Variants in NF2 observed in about 807,000 individuals in gnomAD.
The protein encoded by NF2 is NF2, moesin-ezrin-radixin like (MERLIN) tumor suppressor.
NF2 carries 8 observed loss-of-function variants against 83.7 expected under a neutral mutation model. That is an observed-to-expected ratio of 0.10 (90% CI 0.06 to 0.17). NF2 has a LOEUF of 0.17. Ranked by LOEUF, NF2 falls within the 10% of genes least tolerant of loss-of-function variation. NF2 has a pLI of 1.00. For missense variants in NF2, 533 were observed against 744.4 expected, an observed-to-expected ratio of 0.72 and a Z score of 3.31; for synonymous variants, 266 against 269.6, an observed-to-expected ratio of 0.99 and a Z score of 0.13.
intron 1 of NF2, among the ~76,000 whole-genome samples, chr22:29,631,209 C>G (rs1167620460): frequency 6.6e-6 from 1 of 152,172 alleles, no homozygotes; most frequent in Admixed American, 6.5e-5. Context: ...AAGAACATTC[C>G]TTCACTTTGC....
intron 7 of NF2, among the ~76,000 whole-genome samples, chr22:29,659,644 G>T (rs536460500): frequency 5.9e-5 from 9 of 152,286 alleles, no homozygotes; most frequent in African/African-American, 2.2e-4. Flanking sequence ...CAGTTTAAAA[G>T]GGGCTGCTTG....
intron 7 of NF2, among the ~76,000 whole-genome samples, chr22:29,660,314 C>A (rs978832811): frequency 2.6e-5 from 4 of 152,142 alleles, no homozygotes; most frequent in African/African-American, 9.7e-5. Context: ...GAATAGAATT[C>A]TTTTTGATAT....
intron 2 of NF2, among the ~76,000 whole-genome samples, chr22:29,637,325 A>G (rs1200086331): frequency 6.6e-6 from 1 of 152,164 alleles, no homozygotes; most frequent in South Asian, 2.1e-4. Context: ...CATTAATATG[A>G]TCTAAGGAAT....
At chr22:29,675,631 C>G (rs1459132578) in intron 13 of NF2, among the ~76,000 whole-genome samples, 1 of 152,036 alleles carries the variant, frequency 6.6e-6, no homozygotes, top group Non-Finnish European at 1.5e-5. Flanking sequence ...GGTGTCTACA[C>G]TGATGCTTGA....
intron 15 of NF2, chr22:29,683,838 A>G (rs988693781): frequency 1.2e-5 from 13 of 1,058,586 alleles, no homozygotes; most frequent in Non-Finnish European, 1.4e-5. Context: ...CTCCTGCAAC[A>G]GTTCATTATT....
intron 4 of NF2, among the ~76,000 whole-genome samples, chr22:29,653,707 A>G (rs1444672813): frequency 6.6e-6 from 1 of 152,222 alleles, no homozygotes. Flanking sequence ...TTTGAGAATG[A>G]GAGAACATAA....
At chr22:29,610,592 T>C (rs1004189684) in intron 1 of NF2, among the ~76,000 whole-genome samples, 3 of 149,290 alleles carry the variant, frequency 2.0e-5, no homozygotes, top group African/African-American at 7.4e-5. Context: ...TGCAGTGAGC[T>C]GAGATTGCGC....
rs1407501982 is a variant in NF2 at position 29,673,321 on chromosome 22, A to G, written c.1175A>G (p.Glu392Gly). Residue 392 changes from glutamate (E) to glycine (G), a missense_variant, in exon 12 of 16, where the codon GAG becomes GGG. By Grantham distance (98) the Glu-to-Gly change is moderately conservative (BLOSUM62 -2). Transcript: ENST00000338641. ...TTGGCTGAAAAGGCCCAGATCACCG[A>G]GGAGGAGGCAAAACTTCTGGCCCAG... Reference protein sequence around the residue: ...DLLAEKAQITEEEAKLLAQKA... With the variant: ...DLLAEKAQITGEEAKLLAQKA... 1 of 1,598,512 alleles carries G rather than the reference A, an allele frequency of 6.3e-7. No individual in the cohort carries two copies. The highest frequency in any genetic ancestry group is 1.8e-5 in the Admixed American group (1 of 56,582).
intron 1 of NF2, among the ~76,000 whole-genome samples, chr22:29,633,655 C>G (rs1256037884): frequency 6.6e-6 from 1 of 152,170 alleles, no homozygotes; most frequent in Non-Finnish European, 1.5e-5. Flanking sequence ...CACCTGGTCC[C>G]AAATGGAGCC....
chr22:29,696,011 C>T lies in NF2; in HGVS notation c.*1209C>T. 1 of 233,076 alleles carries T rather than the reference C, an allele frequency of 4.3e-6. No individual in the cohort carries two copies. Among genetic ancestry groups the T allele is most frequent in the South Asian group, 1.8e-4 (1 of 5,530 alleles). 14.4% of individuals were successfully genotyped at this position (233,076 alleles called of 1,614,324 possible). ...ACCTCCATGCCAGGCAACAGAGGGC[C>T]ACAGAACCACCCCCACGGCTCACTC... On this transcript the variant is annotated 3_prime_UTR_variant, in exon 16 of 16. Transcript: ENST00000338641.
In NF2 at chr22:29,664,176, C is replaced by T. The variant is rs574309424; in HGVS notation, c.811-814C>T. Among the ~76,000 whole-genome samples the T allele has an allele frequency of 7.2e-5, 11 of 152,182 alleles. No individual in the cohort carries two copies. In the South Asian group the frequency reaches 2.1e-3, roughly 29 times the overall value. ...AGCCTGGAGTGCAGTTGTGCAATTA[C>T]AGCTCACTGCAGCCTCAAACTCTTG... On this transcript the variant is annotated intron_variant, in intron 8 of 15. Transcript: ENST00000338641.
At position 29,603,961 on chromosome 22, in the gene NF2, C is replaced by T; in HGVS notation, c.-38C>T. 1.4e-6 allele frequency: 2 copies of T among 1,480,650 alleles called. No homozygotes were observed. Among genetic ancestry groups the T allele is most frequent in the Non-Finnish European group, 9.2e-7 (1 of 1,084,418 alleles). 91.7% of individuals were successfully genotyped at this position (1,480,650 alleles called of 1,614,324 possible). A position where few individuals can be genotyped will look rare whatever the true frequency, so the allele number is the denominator to read the frequency against. ...GGGGCTAAAGGGCTCAGAGTGCAGG[C>T]CGTGGGGCGCGAGGGTCCCGGGCCT... On this transcript the variant is annotated 5_prime_UTR_variant, in exon 1 of 16. Transcript: ENST00000338641.
chr22:29,605,957 CT>C (rs932676218), intron 1 of NF2, among the ~76,000 whole-genome samples: 3 of 151,612 alleles, frequency 2.0e-5, no homozygotes, highest in African/African-American at 7.3e-5. Context: ...TTGGAGCTCT[CT>C]TTTTTTTTCT....
chr22:29,677,525 C>T (rs1160663961), intron 13 of NF2, among the ~76,000 whole-genome samples: 2 of 152,070 alleles, frequency 1.3e-5, no homozygotes, highest in Non-Finnish European at 2.9e-5. Context: ...CTACACCACC[C>T]CTGCTTCAGG....
intron 15 of NF2, among the ~76,000 whole-genome samples, chr22:29,682,322 G>T (rs1601667951): frequency 6.6e-6 from 1 of 152,288 alleles, no homozygotes; most frequent in South Asian, 2.1e-4. Flanking sequence ...AGATAAGACT[G>T]TCCATTGAGT....
Position 29,696,330 on chromosome 22 carries a change from C to T in NF2, c.*1528C>T. On this transcript the variant is annotated 3_prime_UTR_variant, in exon 16 of 16. Coordinates refer to ENST00000338641, the MANE Select transcript of NF2 (RefSeq NM_000268.4). The stretch of plus-strand genomic sequence containing the variant: ...CTGGGATTACAGGCATGAGCCACTG[C>T]ACCCAGCCCCTTCTTGCCCTTTCTT... The T allele has an allele frequency of 4.5e-6, 1 of 220,588 alleles. No individual in the cohort carries two copies. The highest frequency in any genetic ancestry group is 1.4e-3 in the Middle Eastern group (1 of 722). 13.7% of individuals were successfully genotyped at this position (220,588 alleles called of 1,614,324 possible).
chr22:29,651,778 A>T (rs1004286520), intron 4 of NF2, among the ~76,000 whole-genome samples: 7 of 152,214 alleles, frequency 4.6e-5, no homozygotes, highest in African/African-American at 1.4e-4. Context: ...ACTTGGTATA[A>T]TAATGGGGGT....
chr22:29,674,965 G>A (rs532666520), intron 13 of NF2, 24 bp downstream of exon 13: 3 of 1,544,556 alleles, frequency 1.9e-6, no homozygotes, highest in African/African-American at 2.7e-5. Flanking sequence ...CCACCAGCTG[G>A]GGCTGCCTTA....
chr22:29,642,120 C>T, intron 3 of NF2, 82 bp from the exon 4 acceptor site: 1 of 1,149,328 alleles, frequency 8.7e-7, no homozygotes, highest in Middle Eastern at 1.9e-4. Flanking sequence ...CATTAGAACG[C>T]CGTGAGGCCA....
Sources: gnomAD v4.1 joint callset for allele counts (sites outside exome capture counted in the v4.1 genomes callset) on GRCh38, gnomAD v4.1.1 for gene constraint, MANE v1.5 for transcripts, NCBI Gene and HGNC (gene_info 2026-07-23, HGNC 2026-07-21) for gene names.